DLGAP2: variants seen among roughly 807,000 people sequenced by gnomAD.
DLGAP2 encodes disks large-associated protein 2.
A neutral mutation model predicts 100.3 loss-of-function variants in DLGAP2; 26 were observed. That is an observed-to-expected ratio of 0.26 (90% CI 0.19 to 0.36). The LOEUF (loss-of-function observed/expected upper bound fraction) is 0.36, where lower values mean the gene tolerates loss of function less well. DLGAP2 is among the 10% of genes least tolerant of loss of function. The pLI is 1.00. For missense variants in DLGAP2, 1,858 were observed against 1,453.2 expected, an observed-to-expected ratio of 1.28 and a Z score of -4.53; for synonymous variants, 886 against 630.1, an observed-to-expected ratio of 1.41 and a Z score of -6.08.
intron 1 of DLGAP2, among the ~76,000 whole-genome samples, chr8:873,993 T>C (rs1797645484): frequency 6.6e-6 from 1 of 152,200 alleles, no homozygotes; most frequent in Admixed American, 6.5e-5. Context: ...TCTACTTTGT[T>C]AGTGTAAAAT....
intron 6 of DLGAP2, among the ~76,000 whole-genome samples, chr8:1,583,316 A>C (rs1796006845): frequency 6.6e-6 from 1 of 152,128 alleles, no homozygotes; most frequent in African/African-American, 2.4e-5. Flanking sequence ...GACGCATCTG[A>C]GAAGAGCTCA....
chr8:925,240 G>A (rs1016687403), intron 2 of DLGAP2, among the ~76,000 whole-genome samples: 1 of 151,980 alleles, frequency 6.6e-6, no homozygotes, highest in East Asian at 1.9e-4. Context: ...AAAGTAGCTG[G>A]GACGACAGGT....
chr8:1,206,506 C>G (rs77164646), intron 2 of DLGAP2, among the ~76,000 whole-genome samples: 30 of 39,530 alleles, frequency 7.6e-4, no homozygotes, highest in African/African-American at 5.8e-3. Flanking sequence ...AGACTGTGAG[C>G]GGTTAATCTC....
At chr8:1,091,328 TTC>T (rs1804174470) in intron 2 of DLGAP2, among the ~76,000 whole-genome samples, 1 of 152,242 alleles carries the variant, frequency 6.6e-6, no homozygotes, top group South Asian at 2.1e-4. Flanking sequence ...TACAAAAATG[TTC>T]AGAAGCGTCT....
intron 2 of DLGAP2, among the ~76,000 whole-genome samples, chr8:914,066 G>T (rs778960683): frequency 2.6e-5 from 4 of 152,244 alleles, no homozygotes; most frequent in Non-Finnish European, 4.4e-5. Flanking sequence ...TTCTTTGAAA[G>T]ATCAAATACT....
At chr8:1,235,322 C>G (rs1316695527) in intron 2 of DLGAP2, among the ~76,000 whole-genome samples, 2 of 151,904 alleles carry the variant, frequency 1.3e-5, no homozygotes, top group South Asian at 4.2e-4. Context: ...GTCTAGTTCT[C>G]TCTCACATGG....
rs756600580 is a variant in DLGAP2, at chr8:1,549,317, G to A, written c.864G>A (p.Lys288=). 2.5e-6 allele frequency: 4 copies of A among 1,612,892 alleles called. No individual in the cohort carries two copies. In the South Asian group the frequency reaches 4.4e-5, roughly 18 times the overall value. Residue 288 remains lysine (K), a synonymous_variant, in exon 5 of 15, where the codon AAG becomes AAA. Transcript: ENST00000637795. ...SKSKERKPEG[K]PRPGMSSWWS... is the part of the protein sequence containing the mutation. ...GCAAGGAGCGCAAGCCGGAGGGCAA[G>A]CCCCGGCCCGGCATGAGCAGCTGGT... is the stretch of plus-strand genomic sequence containing the variant.
chr8:881,666 A>ATATATATATATATATATATATAT lies in DLGAP2; in HGVS notation c.19-26246_19-26245insTATATATATATATATATATATAT. Among the ~76,000 whole-genome samples, 132 of 131,028 alleles carry ATATATATATATATATATATATAT rather than the reference A, an allele frequency of 1.0e-3. 3 individuals carry two copies. Among genetic ancestry groups the ATATATATATATATATATATATAT allele is most frequent in the African/African-American group, 3.4e-3 (126 of 36,724 alleles). 86.0% of individuals were successfully genotyped at this position (131,028 alleles called of 152,430 possible). ...AGGCGCACGCCACCACTTGTGGCTG[A>ATATATATATATATATATATATAT]ACACACACACACACACTTTTTTTTT... is the stretch of plus-strand genomic sequence containing the variant. On this transcript the variant is annotated intron_variant, in intron 1 of 14. Coordinates refer to ENST00000637795, the MANE Select transcript of DLGAP2 (RefSeq NM_001346810.2).
At position 1,469,990 on chromosome 8, in the gene DLGAP2, T is replaced by TA. The variant is rs1338640345; in HGVS notation, c.107-31364dup. On this transcript the variant is annotated intron_variant, in intron 3 of 14. Transcript: ENST00000637795. ...GGGCAACATAGGGAGACCTCATCCC[T>TA]AAAAAAAAAAAAGAAAAAAAAATTA... is the stretch of plus-strand genomic sequence containing the variant. Among the ~76,000 whole-genome samples the TA allele has an allele frequency of 9.3e-3, 1,050 of 112,832 alleles. 12 individuals are homozygous for TA. Among genetic ancestry groups the TA allele is most frequent in the African/African-American group, 0.031 (857 of 27,492 alleles). 74.0% of individuals were successfully genotyped at this position (112,832 alleles called of 152,430 possible).
chr8:1,676,653 G>T, intron 11 of DLGAP2, 35 bp downstream of exon 11: 1 of 1,583,308 alleles, frequency 6.3e-7, no homozygotes, highest in South Asian at 1.2e-5. Flanking sequence ...GGTGACCCCC[G>T]AGCGAGGGCT....
chr8:1,089,632 A>C (rs1276396851), intron 2 of DLGAP2, among the ~76,000 whole-genome samples: 1 of 152,220 alleles, frequency 6.6e-6, no homozygotes, highest in Non-Finnish European at 1.5e-5. Flanking sequence ...TGTGCTGAAA[A>C]ATGATAGGTT....
chr8:1,131,446 A>C lies in DLGAP2; in HGVS notation c.74-127405A>C, dbSNP rs116795008. Among the ~76,000 whole-genome samples the C allele has an allele frequency of 4.4e-3, 664 of 152,048 alleles. 5 individuals are homozygous for C. Among genetic ancestry groups the C allele is most frequent in the African/African-American group, 0.015 (635 of 41,470 alleles). ...CTGTGCTCATGTAGGGGAGAGAGGG[A>C]GCTCTGGGCTCTTCACGTCTTATAA... On this transcript the variant is annotated intron_variant, in intron 2 of 14. Coordinates refer to ENST00000637795, the MANE Select transcript of DLGAP2 (RefSeq NM_001346810.2).
chr8:1,464,282 A>ATGG (rs879906534), intron 3 of DLGAP2, among the ~76,000 whole-genome samples: 12,765 of 107,758 alleles, frequency 0.12, 1,543 homozygotes, highest in East Asian at 0.17. Flanking sequence ...CCCTTCCAGG[A>ATGG]CAACGCCCTT....
chr8:898,458 A>C (rs765638028), intron 1 of DLGAP2, among the ~76,000 whole-genome samples: 10 of 152,222 alleles, frequency 6.6e-5, no homozygotes, highest in Non-Finnish European at 1.3e-4. Flanking sequence ...GAGACGCTTC[A>C]TCCGCAGGGC....
At chr8:847,443 A>T (rs1281611017) in intron 1 of DLGAP2, among the ~76,000 whole-genome samples, 1 of 151,452 alleles carries the variant, frequency 6.6e-6, no homozygotes, top group African/African-American at 2.4e-5. Context: ...TTTTCATGTA[A>T]CTCTGACCAG....
intron 12 of DLGAP2, among the ~76,000 whole-genome samples, chr8:1,686,981 C>T (rs1364500004): frequency 1.3e-5 from 2 of 152,070 alleles, no homozygotes; most frequent in East Asian, 1.9e-4. Context: ...ATATGTGCCC[C>T]CAATAATATG....
At chr8:832,534 C>G (rs935793996) in intron 1 of DLGAP2, among the ~76,000 whole-genome samples, 2 of 152,190 alleles carry the variant, frequency 1.3e-5, no homozygotes, top group East Asian at 1.9e-4. Flanking sequence ...GGTGAATCCA[C>G]TGTTGTATTT....
intron 1 of DLGAP2, among the ~76,000 whole-genome samples, chr8:811,713 C>G (rs1006667052): frequency 6.6e-6 from 1 of 150,594 alleles, no homozygotes; most frequent in Non-Finnish European, 1.5e-5. Context: ...GATGAAGCTC[C>G]CATCATCCTT....
At chr8:1,678,679 T>A in intron 12 of DLGAP2, 50 bp downstream of exon 12, 1 of 1,436,510 alleles carries the variant, frequency 7.0e-7, no homozygotes, top group Non-Finnish European at 9.1e-7. Flanking sequence ...TTCTCAGTAA[T>A]GCAAATATGC....
Sources: gnomAD v4.1 joint callset for allele counts (sites outside exome capture counted in the v4.1 genomes callset) on GRCh38, gnomAD v4.1.1 for gene constraint, MANE v1.5 for transcripts, NCBI Gene and HGNC (gene_info 2026-07-23, HGNC 2026-07-21) for gene names.